DNTT: variants seen among roughly 807,000 people sequenced by gnomAD.
DNTT encodes the protein nucleosidetriphosphate:DNA deoxynucleotidylexotransferase.
DNTT carries 47 observed loss-of-function variants against 60.9 expected under a neutral mutation model. That is an observed-to-expected ratio of 0.77 (90% confidence interval 0.61 to 0.98). The LOEUF (loss-of-function observed/expected upper bound fraction) is 0.98. Ranked by LOEUF, DNTT falls within the 50% of genes least tolerant of loss-of-function variation. The pLI is 0.00. For missense variants in DNTT, 665 were observed against 627.5 expected, an observed-to-expected ratio of 1.06 and a Z score of -0.64; for synonymous variants, 224 against 221.2, an observed-to-expected ratio of 1.01 and a Z score of -0.11.
At chr10:96,334,064 C>T (rs1182715375) in intron 9 of DNTT, among the ~76,000 whole-genome samples, 5 of 152,090 alleles carry the variant, frequency 3.3e-5, no homozygotes, top group Admixed American at 2.0e-4. Context: ...ATAGATGTAT[C>T]AAAATATCAT....
At position 96,318,386 on chromosome 10, in the gene DNTT, T is replaced by A; in HGVS notation, c.238T>A (p.Ser80Thr). 1 of 1,613,416 alleles carries A rather than the reference T, an allele frequency of 6.2e-7. No homozygotes were observed. Among genetic ancestry groups the A allele is most frequent in the East Asian group, 2.2e-5 (1 of 44,884 alleles). Residue 80 changes from serine (S) to threonine (T), a missense_variant, in exon 2 of 11, where the codon TCG becomes ACG. Physicochemically the swap from Ser to Thr is moderately conservative, Grantham distance 58. Coordinates refer to ENST00000371174, the MANE Select transcript of DNTT (RefSeq NM_004088.4). ...CACCCACATCGTAGCAGAGAACAACTCGGGTTCGGATGTTCTGGAGTGGCT... is the reference window on the plus strand; with the variant it reads ...CACCCACATCGTAGCAGAGAACAACACGGGTTCGGATGTTCTGGAGTGGCT... ...SVTHIVAENN[S>T]GSDVLEWLQA...
intron 1 of DNTT, among the ~76,000 whole-genome samples, chr10:96,308,140 G>T (rs1844666536): frequency 6.6e-6 from 1 of 152,192 alleles, no homozygotes; most frequent in Non-Finnish European, 1.5e-5. Flanking sequence ...TTCTTTGGCT[G>T]TCAGAAGGAT....
chr10:96,316,400 T>C lies in DNTT; in HGVS notation c.204-1952T>C, dbSNP rs1844786461. On this transcript the variant is annotated intron_variant, in intron 1 of 10. Transcript: ENST00000371174. ...CTACCCCATTACGCTCCCCTCCAAATCACTGTATGTACCAGACTCGTCTTT... is the reference window on the plus strand; with the variant it reads ...CTACCCCATTACGCTCCCCTCCAAACCACTGTATGTACCAGACTCGTCTTT... 2.0e-5 allele frequency among the ~76,000 whole-genome samples: 3 copies of C among 152,116 alleles called. No individual in the cohort carries two copies. The South Asian group carries it at 6.2e-4, about 32-fold the overall frequency.
intron 5 of DNTT, 139 bp downstream of exon 5, chr10:96,322,867 T>C: frequency 1.6e-6 from 1 of 617,948 alleles, no homozygotes; most frequent in African/African-American, 1.9e-5. Context: ...AAATTTATTT[T>C]CTCACCATTC....
intron 9 of DNTT, among the ~76,000 whole-genome samples, chr10:96,332,958 A>G (rs1322966202): frequency 6.6e-6 from 1 of 152,214 alleles, no homozygotes; most frequent in Non-Finnish European, 1.5e-5. Context: ...ATGCAGCTCA[A>G]GTAGGAGAAC....
chr10:96,308,430 G>A (rs1844669169), intron 1 of DNTT, among the ~76,000 whole-genome samples: 1 of 152,256 alleles, frequency 6.6e-6, no homozygotes, highest in Non-Finnish European at 1.5e-5. Context: ...TTTATTCCAT[G>A]GCTAACTTCC....
chr10:96,319,229 T>G, intron 2 of DNTT, 33 bp from the exon 3 acceptor site: 2 of 1,607,768 alleles, frequency 1.2e-6, no homozygotes, highest in Non-Finnish European at 1.7e-6. Flanking sequence ...CTATTAATTT[T>G]TATTGAAAAT....
chr10:96,319,104 A>G (rs774948048), intron 2 of DNTT, among the ~76,000 whole-genome samples, 158 bp from the exon 3 acceptor site: 13 of 152,192 alleles, frequency 8.5e-5, no homozygotes, highest in Non-Finnish European at 1.6e-4. Context: ...ACGTGTTGAT[A>G]ATAGCAAGTT....
rs1845099279 is a variant in DNTT, at chr10:96,338,507, C to T, written c.*283C>T. On this transcript the variant is annotated 3_prime_UTR_variant, in exon 11 of 11. Transcript: ENST00000371174. ...ATTCAGGGAAGCTCATCAAAGCCCA[C>T]TTTGTTCGCAGTGTAGCTGAAATAC... The T allele has an allele frequency of 3.9e-6, 1 of 257,346 alleles. No individual in the cohort carries two copies. The highest frequency in any genetic ancestry group is 2.2e-5 in the African/African-American group (1 of 44,972). 15.9% of individuals were successfully genotyped at this position (257,346 alleles called of 1,614,324 possible).
chr10:96,322,841 G>A (rs1311410226), intron 5 of DNTT, 113 bp downstream of exon 5: 40 of 798,020 alleles, frequency 5.0e-5, no homozygotes, highest in East Asian at 1.4e-4. Flanking sequence ...CAGAGATGGC[G>A]TGGCTTAAAC....
chr10:96,313,928 C>T (rs970295998), intron 1 of DNTT, among the ~76,000 whole-genome samples: 5 of 152,174 alleles, frequency 3.3e-5, no homozygotes, highest in African/African-American at 9.7e-5. Flanking sequence ...ACACGTCCAT[C>T]TCCCTCAGAG....
intron 1 of DNTT, among the ~76,000 whole-genome samples, chr10:96,315,684 C>T (rs1378116057): frequency 6.6e-6 from 1 of 151,638 alleles, no homozygotes; most frequent in East Asian, 1.9e-4. Context: ...TTAACATACC[C>T]TTCTCCCTCT....
At chr10:96,321,343 C>G (rs1293667469) in intron 4 of DNTT, among the ~76,000 whole-genome samples, 1 of 152,120 alleles carries the variant, frequency 6.6e-6, no homozygotes, top group African/African-American at 2.4e-5. Flanking sequence ...TCCTGCGTCA[C>G]TTTTCCCATG....
Position 96,304,651 on chromosome 10 carries a change from C to T in DNTT, c.154C>T (p.Leu52Phe), listed in dbSNP as rs747805933. The T allele has an allele frequency of 1.2e-6, 2 of 1,614,000 alleles. No homozygotes were observed. Among genetic ancestry groups the T allele is most frequent in the South Asian group, 1.1e-5 (1 of 91,092 alleles). Residue 52 changes from leucine to phenylalanine, a missense_variant, in exon 1 of 11, where the codon CTC (leucine) becomes TTC (phenylalanine). Coordinates refer to ENST00000371174, the MANE Select transcript of DNTT (RefSeq NM_004088.4). ...KKMGTTRRAF[L>F]MELARRKGFR... ...AATGGGAACCACCCGCAGAGCGTTCCTCATGGAGCTGGCCCGCAGGAAAGG... is the reference window on the plus strand; with the variant it reads ...AATGGGAACCACCCGCAGAGCGTTCTTCATGGAGCTGGCCCGCAGGAAAGG...
intron 5 of DNTT, among the ~76,000 whole-genome samples, chr10:96,323,496 C>T (rs1844903973): frequency 6.6e-6 from 1 of 152,134 alleles, no homozygotes; most frequent in South Asian, 2.1e-4. Flanking sequence ...TATTGCCATG[C>T]TGTCGTGATG....
intron 6 of DNTT, among the ~76,000 whole-genome samples, chr10:96,326,935 T>A (rs889028291): frequency 3.3e-5 from 5 of 152,218 alleles, no homozygotes. Context: ...CAAGTTAGCT[T>A]TTCATCATAA....
At chr10:96,308,465 C>T (rs987744336) in intron 1 of DNTT, among the ~76,000 whole-genome samples, 4 of 152,142 alleles carry the variant, frequency 2.6e-5, no homozygotes, top group African/African-American at 7.2e-5. Context: ...ATTTGCCACC[C>T]GGGTCAAGCT....
intron 1 of DNTT, among the ~76,000 whole-genome samples, chr10:96,307,733 AAG>A (rs1564868530): frequency 9.9e-5 from 6 of 60,724 alleles, no homozygotes; most frequent in Non-Finnish European, 2.2e-4. Context: ...ATATATATAT[AAG>A]CATATATATG....
At chr10:96,307,754 T>A (rs1206036383) in intron 1 of DNTT, among the ~76,000 whole-genome samples, 173 of 139,778 alleles carry the variant, frequency 1.2e-3, no homozygotes, top group Non-Finnish European at 2.2e-3. Flanking sequence ...TGTGTGTGTG[T>A]GTGCATATAT....
Sources: allele counts gnomAD v4.1 joint callset (sites outside exome capture counted in the v4.1 genomes callset), GRCh38; gene constraint gnomAD v4.1.1; transcripts MANE v1.5; gene names NCBI Gene and HGNC (gene_info 2026-07-23, HGNC 2026-07-21).